Variants in PARD3B observed in about 807,000 individuals in gnomAD.
The protein encoded by PARD3B is par-3 family cell polarity regulator beta.
PARD3B carries 103 observed loss-of-function variants against 130.2 expected under a neutral mutation model. The observed-to-expected ratio is 0.79, with a 90% CI of 0.67 to 0.93. The LOEUF is 0.93. Ranked by LOEUF, PARD3B falls within the 40% of genes least tolerant of loss-of-function variation. The pLI is 0.00. For synonymous variants in PARD3B, 583 were observed against 553.2 expected (o/e 1.05, Z -0.76); for missense variants, 1,609 against 1,499.2 (o/e 1.07, Z -1.21).
At chr2:205,559,636 T>C (rs925075746) in intron 22 of PARD3B, among the ~76,000 whole-genome samples, 14 of 150,690 alleles carry the variant, frequency 9.3e-5, no homozygotes, top group Admixed American at 5.3e-4. Context: ...TCTCACTCTG[T>C]TGCCCAGGCT....
chr2:204,981,319 A>C (rs542520312), intron 3 of PARD3B, among the ~76,000 whole-genome samples: 1 of 152,332 alleles, frequency 6.6e-6, no homozygotes, highest in South Asian at 2.1e-4. Context: ...AACAACCTAA[A>C]TGTCCATCTT....
chr2:204,662,743 C>T (rs1253263024), intron 1 of PARD3B, among the ~76,000 whole-genome samples: 2 of 152,110 alleles, frequency 1.3e-5, no homozygotes, highest in East Asian at 3.9e-4. Flanking sequence ...AACAAAATGA[C>T]TATTCATATA....
At position 205,352,199 on chromosome 2, in the gene PARD3B, A is replaced by G. The variant is rs559201330; in HGVS notation, c.2631-48814A>G. Among the ~76,000 whole-genome samples, 13 of 152,316 alleles carry G rather than the reference A, an allele frequency of 8.5e-5. No individual in the cohort carries two copies. Among genetic ancestry groups the G allele is most frequent in the African/African-American group, 3.1e-4 (13 of 41,560 alleles). Reference sequence around the variant, plus strand: ...AGGTTTCCCTCATAATGATAACAGAATCTTACATCAAGTGAACATGGAGGA... The same window carrying G: ...AGGTTTCCCTCATAATGATAACAGAGTCTTACATCAAGTGAACATGGAGGA... On this transcript the variant is annotated intron_variant, in intron 18 of 22. Coordinates refer to ENST00000406610, the MANE Select transcript of PARD3B (RefSeq NM_001302769.2). This position sits in a 1 kb window ranked among gnomAD's most constrained non-coding sequence, Gnocchi z 5.2.
chr2:205,479,280 A>T (rs1419842790), intron 20 of PARD3B, among the ~76,000 whole-genome samples: 1 of 152,082 alleles, frequency 6.6e-6, no homozygotes, highest in African/African-American at 2.4e-5. Flanking sequence ...CTTCTCCTTC[A>T]TTGCACACTT....
chr2:204,999,598 T>C (rs2125275394), intron 3 of PARD3B, among the ~76,000 whole-genome samples: 2 of 152,354 alleles, frequency 1.3e-5, no homozygotes, highest in Middle Eastern at 6.8e-3. Context: ...TTAAACTTAA[T>C]TCCAGAGCCA....
At chr2:205,532,183 A>G (rs1457002718) in intron 21 of PARD3B, among the ~76,000 whole-genome samples, 1 of 152,238 alleles carries the variant, frequency 6.6e-6, no homozygotes, top group Non-Finnish European at 1.5e-5. Flanking sequence ...AAAGATTCAT[A>G]GAAGCAGTGC....
At chr2:205,612,035 A>G (rs1045814009) in intron 22 of PARD3B, among the ~76,000 whole-genome samples, 4 of 152,306 alleles carry the variant, frequency 2.6e-5, no homozygotes, top group South Asian at 2.1e-4. Flanking sequence ...TACAAACACT[A>G]AATTTCACAC....
At chr2:204,692,501 C>CT (rs5837933) in intron 2 of PARD3B, among the ~76,000 whole-genome samples, 18 of 149,316 alleles carry the variant, frequency 1.2e-4, no homozygotes, top group East Asian at 2.0e-4. Context: ...AGTTAAACAG[C>CT]TTTTTTTTTT....
chr2:205,245,747 G>A (rs766937490), intron 15 of PARD3B, 31 bp from the exon 16 acceptor site: 1 of 1,553,152 alleles, frequency 6.4e-7, no homozygotes, highest in Non-Finnish European at 8.9e-7. Flanking sequence ...AAGCCGGTCT[G>A]ATCCTTGTCT....
chr2:204,547,011 T>G (rs906906804), intron 1 of PARD3B, among the ~76,000 whole-genome samples: 1 of 152,240 alleles, frequency 6.6e-6, no homozygotes, highest in Non-Finnish European at 1.5e-5. Flanking sequence ...TGGAACATTT[T>G]GTATGTCCCA....
At position 204,673,356 on chromosome 2, in the gene PARD3B, T is replaced by G. The variant is rs188017745; in HGVS notation, c.121-12825T>G. Among the ~76,000 whole-genome samples the G allele has an allele frequency of 2.4e-3, 364 of 152,236 alleles. 1 individual carries two copies. The highest frequency in any genetic ancestry group is 3.6e-3 in the Non-Finnish European group (242 of 68,010). ...TAGAATTTTATTTCATTTTGTAGAGTGGAATAAAAAATTTACTCAGTGTGG... is the reference window on the plus strand; with the variant it reads ...TAGAATTTTATTTCATTTTGTAGAGGGGAATAAAAAATTTACTCAGTGTGG... On this transcript the variant is annotated intron_variant, in intron 1 of 22. Transcript: ENST00000406610. This position sits in a 1 kb window ranked among gnomAD's most constrained non-coding sequence, Gnocchi z 4.7.
chr2:205,458,335 TC>T lies in PARD3B; in HGVS notation c.3044+17665del, dbSNP rs1302850041. Reference sequence around the variant, plus strand: ...CTTCTGTCTTTCTCTCTCTCTCCCTTCCTTCTGGGATCCAATAAAGCAAAAA... The same window carrying T: ...CTTCTGTCTTTCTCTCTCTCTCCCTTCTTCTGGGATCCAATAAAGCAAAAA... On this transcript the variant is annotated intron_variant, in intron 20 of 22. Transcript: ENST00000406610. The surrounding 1 kb of genome is among the most constrained non-coding windows in gnomAD (Gnocchi z 4.8). Among the ~76,000 whole-genome samples the T allele has an allele frequency of 6.6e-6, 1 of 151,946 alleles. No individual in the cohort carries two copies. The highest frequency in any genetic ancestry group is 1.5e-5 in the Non-Finnish European group (1 of 67,948).
intron 3 of PARD3B, among the ~76,000 whole-genome samples, chr2:205,036,767 G>A (rs1466795514): frequency 6.8e-6 from 1 of 148,002 alleles, no homozygotes; most frequent in East Asian, 2.0e-4. Context: ...CGGACTGTAT[G>A]TACAAAAAAT....
At chr2:204,706,222 C>A (rs2038144152) in intron 2 of PARD3B, among the ~76,000 whole-genome samples, 1 of 151,824 alleles carries the variant, frequency 6.6e-6, no homozygotes, top group South Asian at 2.1e-4. Context: ...AAAAAATTAG[C>A]CGGGCATGGT....
intron 20 of PARD3B, among the ~76,000 whole-genome samples, chr2:205,478,680 A>G (rs1196415150): frequency 1.3e-5 from 2 of 152,194 alleles, no homozygotes; most frequent in South Asian, 2.1e-4. Context: ...GTAGAGTGCT[A>G]TTTGGCAGCC....
At chr2:205,191,451 C>G (rs1238361364) in intron 14 of PARD3B, among the ~76,000 whole-genome samples, 1 of 152,134 alleles carries the variant, frequency 6.6e-6, no homozygotes, top group Non-Finnish European at 1.5e-5. Flanking sequence ...GAAAAGGGCT[C>G]CTAGTCACAG....
At chr2:205,375,396 G>A (rs149918873) in intron 18 of PARD3B, among the ~76,000 whole-genome samples, 1 of 152,310 alleles carries the variant, frequency 6.6e-6, no homozygotes, top group African/African-American at 2.4e-5. Context: ...TGAGTGAGGG[G>A]AAGGGTCAGG....
chr2:204,796,794 C>T (rs556660627), intron 2 of PARD3B, among the ~76,000 whole-genome samples: 16 of 152,226 alleles, frequency 1.1e-4, no homozygotes, highest in Middle Eastern at 3.4e-3. Context: ...CTTGTGTATT[C>T]GAATCCAGGT....
At chr2:204,559,760 T>C (rs1459533842) in intron 1 of PARD3B, among the ~76,000 whole-genome samples, 4 of 152,226 alleles carry the variant, frequency 2.6e-5, no homozygotes, top group Non-Finnish European at 5.9e-5. Context: ...GCAGCACTAT[T>C]CACAATAGCA....
Sources: allele counts gnomAD v4.1 joint callset (sites outside exome capture counted in the v4.1 genomes callset), GRCh38; gene constraint gnomAD v4.1.1; non-coding constraint Gnocchi (gnomAD v3.1); transcripts MANE v1.5; gene names NCBI Gene and HGNC (gene_info 2026-07-23, HGNC 2026-07-21).